The following RHEX variants were observed in gnomAD, a reference collection of about 807,000 sequenced individuals.
The protein encoded by RHEX is regulator of hemoglobinization and erythroid cell expansion protein.
RHEX carries 18 observed loss-of-function variants against 20.1 expected under a neutral mutation model. The observed-to-expected ratio is 0.90, with a 90% CI of 0.62 to 1.33. RHEX has a LOEUF of 1.33. RHEX is among the 40% of genes most tolerant of loss of function. RHEX has a pLI of 0.00. For synonymous variants in RHEX, 87 were observed against 77.1 expected (o/e 1.13, Z -0.67); for missense variants, 192 against 214.3 (o/e 0.90, Z 0.65).
intron 1 of RHEX, among the ~76,000 whole-genome samples, chr1:206,070,515 C>T (rs970847540): frequency 7.9e-5 from 12 of 152,178 alleles, no homozygotes; most frequent in African/African-American, 2.9e-4. Context: ...GGTCTTGGAA[C>T]ATGAAATGCT....
At chr1:206,099,578 C>T (rs1488972981) in intron 3 of RHEX, 77 bp from the exon 4 acceptor site, 1 of 1,438,048 alleles carries the variant, frequency 7.0e-7, no homozygotes, top group Admixed American at 2.1e-5. Context: ...CTCAGCCTCC[C>T]AAATTGCTGG....
chr1:206,076,162 T>C (rs1174716021), intron 1 of RHEX, among the ~76,000 whole-genome samples: 5 of 152,120 alleles, frequency 3.3e-5, no homozygotes, highest in African/African-American at 1.2e-4. Context: ...GGAGTCTTTT[T>C]TTTTTTTAAT....
chr1:206,097,887 T>C (rs1663107892), intron 2 of RHEX, 48 bp downstream of exon 2: 20 of 1,387,000 alleles, frequency 1.4e-5, no homozygotes, highest in Non-Finnish European at 2.1e-5. Context: ...CCAAGCTAAC[T>C]GGTGTAGCTG....
intron 1 of RHEX, among the ~76,000 whole-genome samples, chr1:206,096,358 C>T (rs1553287655): frequency 6.6e-6 from 1 of 152,264 alleles, no homozygotes; most frequent in African/African-American, 2.4e-5. Context: ...CAATATTAGA[C>T]AATCGATACT....
intron 1 of RHEX, among the ~76,000 whole-genome samples, chr1:206,072,419 C>T (rs1346166954): frequency 2.6e-5 from 4 of 151,860 alleles, no homozygotes; most frequent in African/African-American, 9.7e-5. Flanking sequence ...ACTAAAAATA[C>T]AAAAAAATTA....
intron 1 of RHEX, among the ~76,000 whole-genome samples, chr1:206,092,072 CTT>C (rs1558178500): frequency 7.1e-6 from 1 of 140,744 alleles, no homozygotes; most frequent in Admixed American, 7.5e-5. Context: ...CTTTCTCTCT[CTT>C]TCTTTCTTTC....
chr1:206,093,623 C>T (rs1354059741), intron 1 of RHEX, among the ~76,000 whole-genome samples: 5 of 152,034 alleles, frequency 3.3e-5, no homozygotes, highest in African/African-American at 9.7e-5. Context: ...TGTTTTAAAC[C>T]GTTCTTTCTA....
At chr1:206,071,430 C>A (rs571184556) in intron 1 of RHEX, among the ~76,000 whole-genome samples, 2 of 151,916 alleles carry the variant, frequency 1.3e-5, no homozygotes, top group East Asian at 3.9e-4. Flanking sequence ...CACAGACATA[C>A]CCAGGAACAA....
chr1:206,101,754 C>A lies in RHEX; in HGVS notation c.321C>A (p.Ala107=). 1 of 1,611,942 alleles carries A rather than the reference C, an allele frequency of 6.2e-7. No homozygotes were observed. Among genetic ancestry groups the A allele is most frequent in the Non-Finnish European group, 8.5e-7 (1 of 1,178,910 alleles). ...CATGTCTCTGCTTTTCTCCTAAGGC[C>A]ACAGAGGATGTGGATTACACACAAG... ...SSCSSPPACQ[A]TEDVDYTQVV... is the part of the protein sequence containing the mutation. The change falls in exon 6 of 6, where the codon GCC becomes GCA. Residue 107 remains alanine (A), a splice_region_variant and synonymous_variant. Transcript: ENST00000331555.
In RHEX at chr1:206,102,032, T is replaced by A; in HGVS notation, c.*80T>A. On this transcript the variant is annotated 3_prime_UTR_variant, in exon 6 of 6. Coordinates refer to ENST00000331555, the MANE Select transcript of RHEX (RefSeq NM_001007544.4). ...GTAGGGAAATGCCATTTTTCCCCCT[T>A]AAACAAGGCATGGGGCTCACAAGTC... 8.5e-7 allele frequency: 1 copy of A among 1,174,086 alleles called. No homozygotes were observed. The highest frequency in any genetic ancestry group is 1.3e-6 in the Non-Finnish European group (1 of 793,224). 72.7% of individuals were successfully genotyped at this position (1,174,086 alleles called of 1,614,324 possible). A position where few individuals can be genotyped will look rare whatever the true frequency, so the allele number is the denominator to read the frequency against.
intron 1 of RHEX, among the ~76,000 whole-genome samples, chr1:206,065,173 A>G (rs1553284049): frequency 6.6e-6 from 1 of 152,160 alleles, no homozygotes; most frequent in Non-Finnish European, 1.5e-5. Flanking sequence ...TAGGAAAACC[A>G]GAGACCTTTG....
chr1:206,086,603 C>T (rs1021722947), intron 1 of RHEX, among the ~76,000 whole-genome samples: 1 of 152,204 alleles, frequency 6.6e-6, no homozygotes, highest in Non-Finnish European at 1.5e-5. Context: ...ATTGGGAGAA[C>T]AATAGTATCT....
intron 1 of RHEX, among the ~76,000 whole-genome samples, chr1:206,068,975 C>T (rs1205810589): frequency 1.3e-5 from 2 of 152,220 alleles, no homozygotes; most frequent in Admixed American, 1.3e-4. Flanking sequence ...AGAAAGGGTG[C>T]AGAGTAGCCA....
rs782414027 is a variant in RHEX, at chr1:206,099,651, C to G, written c.113-4C>G. On this transcript the variant is annotated splice_polypyrimidine_tract_variant and splice_region_variant and intron_variant, in intron 3 of 5. Transcript: ENST00000331555. The stretch of plus-strand genomic sequence containing the variant: ...ACTTTTGATCCCTGCCCTCTCCCTT[C>G]CAGCCCACAAGAGTGAACAGATACT... 8.1e-6 allele frequency: 13 copies of G among 1,613,690 alleles called. No individual in the cohort carries two copies. In the East Asian group the frequency reaches 2.2e-4, roughly 28 times the overall value.
chr1:206,093,841 G>GT (rs1163991088), intron 1 of RHEX, among the ~76,000 whole-genome samples: 3 of 151,766 alleles, frequency 2.0e-5, no homozygotes, highest in East Asian at 1.9e-4. Flanking sequence ...ACGAAGTAGG[G>GT]TTTTTTTTGG....
intron 1 of RHEX, among the ~76,000 whole-genome samples, chr1:206,054,230 G>A (rs1238709218): frequency 7.0e-6 from 1 of 143,424 alleles, no homozygotes; most frequent in Non-Finnish European, 1.5e-5. Context: ...GAAAAAAAAT[G>A]TTTGTAATAA....
chr1:206,080,436 G>A (rs1662712821), intron 1 of RHEX: 1 of 152,182 alleles, frequency 6.6e-6, no homozygotes, highest in South Asian at 2.1e-4. Flanking sequence ...GAAACATTGT[G>A]ACCCACAAAT....
At chr1:206,100,120 A>C (rs28592082) in intron 4 of RHEX, among the ~76,000 whole-genome samples, 6,327 of 152,164 alleles carry the variant, frequency 0.042, 444 homozygotes, top group African/African-American at 0.15. Flanking sequence ...TGATCAGCTA[A>C]TGGTGGAGTT....
intron 1 of RHEX, among the ~76,000 whole-genome samples, chr1:206,096,859 C>T (rs1392074298): frequency 2.0e-5 from 3 of 149,880 alleles, no homozygotes; most frequent in Admixed American, 6.7e-5. Context: ...ACTGAAGTCT[C>T]GACCTCCTGG....
Sources: allele counts gnomAD v4.1 joint callset (sites outside exome capture counted in the v4.1 genomes callset), GRCh38; gene constraint gnomAD v4.1.1; transcripts MANE v1.5; gene names NCBI Gene and HGNC (gene_info 2026-07-23, HGNC 2026-07-21).